The following TBC1D19 variants were observed in gnomAD, a reference collection of about 807,000 sequenced individuals.
TBC1D19 encodes the protein TBC1 domain family, member 19.
Under a neutral mutation model 89.0 loss-of-function variants are expected in TBC1D19, and 60 were observed. The observed-to-expected ratio is 0.67, with a 90% CI of 0.55 to 0.84. The LOEUF (loss-of-function observed/expected upper bound fraction) is 0.84, where lower values mean the gene tolerates loss of function less well. Among genes scored for constraint, TBC1D19 ranks in the 40% least tolerant of loss-of-function variants. TBC1D19 has a pLI of 0.00. For synonymous variants in TBC1D19, 189 were observed against 199.7 expected (o/e 0.95, Z 0.45); for missense variants, 500 against 610.8 (o/e 0.82, Z 1.91).
At chr4:26,701,441 G>A (rs1043048625) in intron 13 of TBC1D19, among the ~76,000 whole-genome samples, 9 of 151,904 alleles carry the variant, frequency 5.9e-5, no homozygotes, top group African/African-American at 1.2e-4. Flanking sequence ...TGTCTCTCCC[G>A]GGTAAATTCT....
At chr4:26,712,697 A>G (rs890514654) in intron 13 of TBC1D19, among the ~76,000 whole-genome samples, 2 of 152,056 alleles carry the variant, frequency 1.3e-5, no homozygotes, top group African/African-American at 4.8e-5. Flanking sequence ...AAGATTGAAC[A>G]GCCTATCTAG....
At chr4:26,761,206 A>G (rs1719446826), downstream of TBC1D19, among the ~76,000 whole-genome samples, 1 of 152,226 alleles carries the variant, frequency 6.6e-6, no homozygotes, top group Non-Finnish European at 1.5e-5. Flanking sequence ...GCATTTCTAA[A>G]GAACTTTTTA....
intron 7 of TBC1D19, among the ~76,000 whole-genome samples, chr4:26,654,456 T>A (rs1560449283): frequency 6.6e-6 from 1 of 152,218 alleles, no homozygotes; most frequent in Non-Finnish European, 1.5e-5. Context: ...CTGGATAATA[T>A]CCTGCAGAGT....
chr4:26,731,024 C>T (rs1717629321), intron 15 of TBC1D19, among the ~76,000 whole-genome samples: 1 of 152,146 alleles, frequency 6.6e-6, no homozygotes, highest in African/African-American at 2.4e-5. Context: ...GCCCCTGTGC[C>T]TTAGTCTAAA....
the TBC1D19 span, among the ~76,000 whole-genome samples, chr4:26,766,449 C>T: frequency 6.6e-6 from 1 of 152,178 alleles, no homozygotes; most frequent in Admixed American, 6.6e-5. Flanking sequence ...CTTCTCTTAC[C>T]AATATAAATA....
chr4:26,764,584 TTC>T, the TBC1D19 span, among the ~76,000 whole-genome samples: 1 of 152,192 alleles, frequency 6.6e-6, no homozygotes. Flanking sequence ...GATTTTAATT[TTC>T]TCTCTCAAGT....
At chr4:26,773,409 G>T in the TBC1D19 span, among the ~76,000 whole-genome samples, 6 of 152,188 alleles carry the variant, frequency 3.9e-5, no homozygotes, top group African/African-American at 1.4e-4. Context: ...CTCCCAATCT[G>T]TAGGATGTCT....
chr4:26,663,402 A>C (rs962064773), intron 8 of TBC1D19, among the ~76,000 whole-genome samples: 10 of 152,214 alleles, frequency 6.6e-5, no homozygotes, highest in Non-Finnish European at 1.5e-4. Flanking sequence ...ATATAAAATC[A>C]ATAGATGATA....
downstream of TBC1D19, among the ~76,000 whole-genome samples, chr4:26,761,138 G>A (rs1719445104): frequency 1.3e-5 from 2 of 152,152 alleles, no homozygotes; most frequent in Non-Finnish European, 2.9e-5. Context: ...ATCAGGTAGT[G>A]TAAGTCCTCT....
downstream of TBC1D19, among the ~76,000 whole-genome samples, chr4:26,759,827 T>G (rs1719400293): frequency 6.6e-6 from 1 of 152,252 alleles, no homozygotes; most frequent in Admixed American, 6.5e-5. Context: ...TTTCATTGTA[T>G]GAGTATTTCA....
chr4:26,600,134 G>A (rs914143961), intron 1 of TBC1D19, among the ~76,000 whole-genome samples: 5 of 152,042 alleles, frequency 3.3e-5, no homozygotes, highest in African/African-American at 1.2e-4. Flanking sequence ...TTGTTGCTCA[G>A]ATTGTCATTA....
intron 12 of TBC1D19, among the ~76,000 whole-genome samples, chr4:26,684,802 TAA>T (rs1195525528): frequency 6.6e-6 from 1 of 152,106 alleles, no homozygotes; most frequent in Non-Finnish European, 1.5e-5. Context: ...GGGGTAATAA[TAA>T]CTATTACTAA....
At chr4:26,778,408 T>TC in the TBC1D19 span, among the ~76,000 whole-genome samples, 9 of 127,706 alleles carry the variant, frequency 7.0e-5, no homozygotes, top group African/African-American at 2.7e-4. Flanking sequence ...AGAGTGAGAC[T>TC]CCATCTCAAA....
chr4:26,839,438 T>C, the TBC1D19 span, among the ~76,000 whole-genome samples: 32 of 152,166 alleles, frequency 2.1e-4, no homozygotes, highest in Non-Finnish European at 3.5e-4. Context: ...TTTTTTCTAA[T>C]GTGTAAAATT....
At chr4:26,586,275 A>G (rs1310528257) in intron 1 of TBC1D19, among the ~76,000 whole-genome samples, 3 of 151,564 alleles carry the variant, frequency 2.0e-5, no homozygotes, top group African/African-American at 7.3e-5. Flanking sequence ...TTTGTCGAAA[A>G]TCAATTACAC....
the TBC1D19 span, among the ~76,000 whole-genome samples, chr4:26,820,940 C>A: frequency 3.3e-5 from 5 of 152,322 alleles, no homozygotes; most frequent in South Asian, 1.0e-3. Flanking sequence ...AGAACATCAC[C>A]TGGAATACAG....
At chr4:26,752,529 A>T (rs1719027451) in intron 19 of TBC1D19, among the ~76,000 whole-genome samples, 1 of 152,134 alleles carries the variant, frequency 6.6e-6, no homozygotes, top group South Asian at 2.1e-4. Context: ...TGCAGGCATG[A>T]GTCACTGTGC....
the TBC1D19 span, among the ~76,000 whole-genome samples, chr4:26,800,005 T>A: frequency 5.6e-4 from 85 of 152,226 alleles, no homozygotes; most frequent in Non-Finnish European, 1.1e-3. Flanking sequence ...TTTCTTTTTT[T>A]AAATTTTATT....
Position 26,754,884 on chromosome 4 carries a change from T to C in TBC1D19, c.1518T>C (p.Ala506=), listed in dbSNP as rs1161886904. 4 of 1,601,832 alleles carry C rather than the reference T, an allele frequency of 2.5e-6. No homozygotes were observed. The highest frequency in any genetic ancestry group is 3.4e-6 in the Non-Finnish European group (4 of 1,176,444). ...TSLAAAEAVL[A]DLSTLKVMPL... The stretch of plus-strand genomic sequence containing the variant: ...ATTTTTTGTTTCAGGCAGTTCTTGC[T>C]GACCTTTCTACTTTAAAAGTTATGC... Residue 506 remains alanine (A), a synonymous_variant, in exon 21 of 21, where the codon GCT becomes GCC. Transcript: ENST00000264866.
Sources: allele counts gnomAD v4.1 joint callset (sites outside exome capture counted in the v4.1 genomes callset), GRCh38; gene constraint gnomAD v4.1.1; transcripts MANE v1.5; gene names NCBI Gene and HGNC (gene_info 2026-07-23, HGNC 2026-07-21).